Variants in GTPBP10 observed in about 807,000 individuals in gnomAD.
GTPBP10 encodes the protein GTP binding protein 10, also known as GTP-binding protein 10.
In GTPBP10, 38 loss-of-function variants were observed where a neutral mutation model predicts 44.8. The ratio of observed to expected loss-of-function variants is 0.85; its 90% confidence interval spans 0.65 to 1.11. GTPBP10 has a LOEUF of 1.11. Among genes scored for constraint, GTPBP10 ranks in the 50% most tolerant of loss-of-function variants. GTPBP10 has a pLI of 0.00. For missense variants in GTPBP10, 462 were observed against 453.7 expected (o/e 1.02, Z -0.17); for synonymous variants, 152 against 150.6 (o/e 1.01, Z -0.07).
At chr7:90,362,316 G>A (rs1796039734) in intron 4 of GTPBP10, among the ~76,000 whole-genome samples, 2 of 152,028 alleles carry the variant, frequency 1.3e-5, no homozygotes, top group African/African-American at 4.8e-5. Flanking sequence ...GTGTCCCTGA[G>A]ATACTGGTAT....
intron 4 of GTPBP10, among the ~76,000 whole-genome samples, chr7:90,364,876 G>C (rs1244893275): frequency 6.6e-6 from 1 of 152,180 alleles, no homozygotes; most frequent in African/African-American, 2.4e-5. Flanking sequence ...TTCGATCTCA[G>C]ACTGCTGTGC....
chr7:90,388,692 T>C lies in GTPBP10; in HGVS notation c.*3538T>C, dbSNP rs1413785515. On this transcript the variant is annotated 3_prime_UTR_variant, in exon 10 of 10. Coordinates refer to ENST00000222511, the MANE Select transcript of GTPBP10 (RefSeq NM_033107.4). The stretch of plus-strand genomic sequence containing the variant: ...AAGGATATTTCAGGTTTTATCCAAT[T>C]AGATTTCTTGTAAAGTTATGTGTTT... 2 of 152,224 alleles carry C rather than the reference T, an allele frequency of 1.3e-5. No individual in the cohort carries two copies. The highest frequency in any genetic ancestry group is 4.8e-5 in the African/African-American group (2 of 41,466). The allele number at this position is 152,224 out of a possible 1,614,324, so 9.4% of individuals were successfully genotyped here. A position where few individuals can be genotyped will look rare whatever the true frequency, so the allele number is the denominator to read the frequency against.
At chr7:90,378,554 G>A (rs11563894) in intron 8 of GTPBP10, among the ~76,000 whole-genome samples, 2,074 of 152,028 alleles carry the variant, frequency 0.014, 56 homozygotes, top group African/African-American at 0.046. Context: ...CTATTTCTCC[G>A]TCTACTTTTT....
At chr7:90,359,502 T>G (rs1162837892) in intron 4 of GTPBP10, among the ~76,000 whole-genome samples, 3 of 152,248 alleles carry the variant, frequency 2.0e-5, no homozygotes, top group African/African-American at 7.2e-5. Flanking sequence ...TACCATTCCA[T>G]GATGTATATG....
rs1397497137 is a variant in GTPBP10 at position 90,355,152 on chromosome 7, C to G, written c.386C>G (p.Thr129Arg). ...AQGGLGGKLL[T>R]NFLPLKGQKR... ...GGAGGTCTTGGTGGTAAATTACTTA[C>G]AAATTTCTTACCATTGAAAGGCCAG... The change falls in exon 4 of 10, where the codon ACA (threonine) becomes AGA (arginine). Residue 129 changes from threonine (T) to arginine (R), a missense_variant. Physicochemically the swap from Thr to Arg is moderately conservative, Grantham distance 71. Coordinates refer to ENST00000222511, the MANE Select transcript of GTPBP10 (RefSeq NM_033107.4). The G allele has an allele frequency of 1.2e-6, 2 of 1,605,360 alleles. No individual in the cohort carries two copies. Among genetic ancestry groups the G allele is most frequent in the Non-Finnish European group, 1.7e-6 (2 of 1,173,846 alleles).
intron 4 of GTPBP10, among the ~76,000 whole-genome samples, chr7:90,362,051 A>G (rs540999596): frequency 2.0e-5 from 3 of 151,928 alleles, no homozygotes; most frequent in Non-Finnish European, 2.9e-5. Flanking sequence ...CTAGCGGTCT[A>G]TCAATTTTGT....
chr7:90,382,962 G>C lies in GTPBP10; in HGVS notation c.784G>C (p.Glu262Gln). 1 of 1,545,772 alleles carries C rather than the reference G, an allele frequency of 6.5e-7. No homozygotes were observed. The highest frequency in any genetic ancestry group is 1.8e-5 in the Admixed American group (1 of 56,220). ...ETIILLTKEL[E>Q]LYKEELQTKP... is the part of the protein sequence containing the mutation. ...TTTCTCTTTTGATTTAAAGGAGTTG[G>C]AATTGTACAAAGAGGAACTTCAGAC... Residue 262 changes from glutamate (E) to glutamine (Q), a missense_variant, in exon 9 of 10, where the codon GAA (glutamate) becomes CAA (glutamine). Glu to Gln is a conservative substitution (Grantham distance 29). Coordinates refer to ENST00000222511, the MANE Select transcript of GTPBP10 (RefSeq NM_033107.4).
intron 4 of GTPBP10, among the ~76,000 whole-genome samples, chr7:90,366,248 T>A (rs1796132294): frequency 1.3e-5 from 2 of 152,148 alleles, no homozygotes; most frequent in Admixed American, 6.5e-5. Context: ...TTGTTGTTGT[T>A]GTATCTCTGC....
chr7:90,374,644 T>G (rs1796313596), intron 6 of GTPBP10, among the ~76,000 whole-genome samples: 1 of 152,218 alleles, frequency 6.6e-6, no homozygotes, highest in Non-Finnish European at 1.5e-5. Flanking sequence ...ATTGGATTAT[T>G]TATCTTCATT....
rs1796513594 is a variant in GTPBP10 at position 90,385,701 on chromosome 7, A to G, written c.*547A>G. ...ATTATTACCTTCTGATATATGTGTCATTATTGAAGAACCATACCTTTTAAA... is the reference window on the plus strand; with the variant it reads ...ATTATTACCTTCTGATATATGTGTCGTTATTGAAGAACCATACCTTTTAAA... On this transcript the variant is annotated 3_prime_UTR_variant, in exon 10 of 10. Coordinates refer to ENST00000222511, the MANE Select transcript of GTPBP10 (RefSeq NM_033107.4). The G allele has an allele frequency of 6.6e-6, 1 of 152,062 alleles. No individual in the cohort carries two copies. The highest frequency in any genetic ancestry group is 6.6e-5 in the Admixed American group (1 of 15,260). 9.4% of individuals were successfully genotyped at this position (152,062 alleles called of 1,614,324 possible). A position where few individuals can be genotyped will look rare whatever the true frequency, so the allele number is the denominator to read the frequency against.
At chr7:90,366,947 C>G (rs1343107847) in intron 4 of GTPBP10, among the ~76,000 whole-genome samples, 4 of 152,204 alleles carry the variant, frequency 2.6e-5, no homozygotes, top group African/African-American at 9.7e-5. Context: ...TCCCTCTCCA[C>G]ACTGTTTTAA....
At position 90,377,598 on chromosome 7, in the gene GTPBP10, G is replaced by C; in HGVS notation, c.683G>C (p.Arg228Thr). 6.2e-7 allele frequency: 1 copy of C among 1,604,898 alleles called. No homozygotes were observed. Among genetic ancestry groups the C allele is most frequent in the Middle Eastern group, 1.7e-4 (1 of 6,034 alleles). Reference sequence around the variant, plus strand: ...TTCCTCAAGCATATAGAAAGAACTAGACAACTACTTTTTGTTGTAAGTCAT... The same window carrying C: ...TTCCTCAAGCATATAGAAAGAACTACACAACTACTTTTTGTTGTAAGTCAT... ...HKFLKHIERT[R>T]QLLFVVDISG... The change falls in exon 7 of 10, where the codon AGA (arginine) becomes ACA (threonine). Residue 228 changes from arginine (R) to threonine (T), a missense_variant. Arg to Thr is a moderately conservative substitution (Grantham distance 71, BLOSUM62 -1). Transcript: ENST00000222511.
intron 5 of GTPBP10, among the ~76,000 whole-genome samples, chr7:90,373,734 A>AACAT (rs564647113): frequency 3.5e-4 from 53 of 152,342 alleles, no homozygotes; most frequent in African/African-American, 1.2e-3. Context: ...GACCCTCCTG[A>AACAT]ACATCTATCA....
chr7:90,381,173 G>C (rs974272612), intron 8 of GTPBP10, among the ~76,000 whole-genome samples: 16 of 152,052 alleles, frequency 1.1e-4, no homozygotes, highest in African/African-American at 3.9e-4. Flanking sequence ...CGGATCATAT[G>C]GTAGTTCTAT....
intron 4 of GTPBP10, among the ~76,000 whole-genome samples, chr7:90,366,316 CTT>C (rs977607519): frequency 2.6e-5 from 4 of 152,096 alleles, no homozygotes; most frequent in African/African-American, 9.7e-5. Context: ...AGGATTCCCT[CTT>C]TTTCTATTGA....
chr7:90,360,052 T>A (rs1795983189), intron 4 of GTPBP10, among the ~76,000 whole-genome samples: 1 of 152,224 alleles, frequency 6.6e-6, no homozygotes, highest in Non-Finnish European at 1.5e-5. Flanking sequence ...CTTTATCAGA[T>A]GAGTAGATTG....
At chr7:90,353,500 CT>C (rs1795835085) in intron 2 of GTPBP10, among the ~76,000 whole-genome samples, 2 of 152,116 alleles carry the variant, frequency 1.3e-5, no homozygotes, top group Non-Finnish European at 2.9e-5. Flanking sequence ...GCTATTTTTA[CT>C]TTTTTTCACA....
At chr7:90,371,010 G>GATA (rs1554398220) in intron 4 of GTPBP10, among the ~76,000 whole-genome samples, 1 of 144,998 alleles carries the variant, frequency 6.9e-6, no homozygotes, top group Non-Finnish European at 1.5e-5. Context: ...CATCTCAATA[G>GATA]ATAAATAAAT....
chr7:90,378,254 A>G (rs1416771546), intron 8 of GTPBP10, 43 bp downstream of exon 8: 2 of 1,563,606 alleles, frequency 1.3e-6, no homozygotes, highest in Non-Finnish European at 1.8e-6. Context: ...GGTCTAATAC[A>G]TAGGAATGTA....
Sources: gnomAD v4.1 joint callset for allele counts (sites outside exome capture counted in the v4.1 genomes callset) on GRCh38, gnomAD v4.1.1 for gene constraint, MANE v1.5 for transcripts, NCBI Gene and HGNC (gene_info 2026-07-23, HGNC 2026-07-21) for gene names.